The following HDAC9 variants were observed in gnomAD, a reference collection of about 807,000 sequenced individuals.
The protein encoded by HDAC9 is MEF-2 interacting transcription repressor (MITR) protein.
HDAC9 carries 41 observed loss-of-function variants against 139.4 expected under a neutral mutation model. The observed-to-expected ratio is 0.29, with a 90% confidence interval of 0.23 to 0.38. The LOEUF is 0.38. Among genes scored for constraint, HDAC9 ranks in the 10% least tolerant of loss-of-function variants. The pLI, the probability that HDAC9 is intolerant of heterozygous loss-of-function variation, is 1.00. For missense variants in HDAC9, 1,147 were observed against 1,297.0 expected (o/e 0.88, Z 1.78); for synonymous variants, 517 against 476.2 (o/e 1.09, Z -1.12).
At chr7:18,335,763 G>A (rs1487093360) in intron 1 of HDAC9, among the ~76,000 whole-genome samples, 1 of 151,502 alleles carries the variant, frequency 6.6e-6, no homozygotes, top group East Asian at 1.9e-4. Flanking sequence ...TATACCTGGG[G>A]TGGTACCAAA....
upstream of HDAC9, among the ~76,000 whole-genome samples, chr7:18,288,126 A>G (rs1246375735): frequency 6.6e-6 from 1 of 152,228 alleles, no homozygotes; most frequent in East Asian, 1.9e-4. Context: ...CATGTTGCTG[A>G]CAACAAGGTG....
At chr7:18,991,339 G>T (rs1785922235) in intron 25 of HDAC9, among the ~76,000 whole-genome samples, 1 of 152,170 alleles carries the variant, frequency 6.6e-6, no homozygotes, top group Non-Finnish European at 1.5e-5. Flanking sequence ...GTGAATACTG[G>T]AAAGATAAAG....
intron 24 of HDAC9, among the ~76,000 whole-genome samples, chr7:18,960,174 A>C (rs1428819189): frequency 6.6e-6 from 1 of 152,144 alleles, no homozygotes; most frequent in African/African-American, 2.4e-5. Flanking sequence ...TAATTGACTA[A>C]AGCATAATCA....
At chr7:18,635,277 A>G (rs533316764) in intron 8 of HDAC9, among the ~76,000 whole-genome samples, 3 of 151,996 alleles carry the variant, frequency 2.0e-5, no homozygotes, top group African/African-American at 7.2e-5. Context: ...CTGAAAAGTG[A>G]TGAAAAATAA....
chr7:18,861,837 C>T (rs965754227), intron 21 of HDAC9, among the ~76,000 whole-genome samples: 2 of 152,066 alleles, frequency 1.3e-5, no homozygotes, highest in African/African-American at 4.8e-5. Context: ...CTTTCTGGAC[C>T]AGGTATATAT....
chr7:18,155,182 C>G (rs1017719267), intron 1 of HDAC9, among the ~76,000 whole-genome samples: 2 of 151,198 alleles, frequency 1.3e-5, no homozygotes, highest in African/African-American at 4.9e-5. Flanking sequence ...TCCTTTTAAA[C>G]TCAAATTGGT....
intron 1 of HDAC9, among the ~76,000 whole-genome samples, chr7:18,323,369 G>T (rs1800175829): frequency 6.6e-6 from 1 of 152,128 alleles, no homozygotes; most frequent in African/African-American, 2.4e-5. Flanking sequence ...CTTGGCTTGG[G>T]CCTTTGTTTC....
At chr7:18,761,965 A>G (rs1374404704) in intron 14 of HDAC9, among the ~76,000 whole-genome samples, 192 bp from the exon 15 acceptor site, 1 of 152,162 alleles carries the variant, frequency 6.6e-6, no homozygotes, top group African/African-American at 2.4e-5. Flanking sequence ...GGTATAAGCA[A>G]TCTGTTGGAT....
intron 16 of HDAC9, among the ~76,000 whole-genome samples, chr7:18,770,905 G>T: frequency 6.6e-6 from 1 of 152,280 alleles, no homozygotes; most frequent in South Asian, 2.1e-4. Flanking sequence ...AACAGGATAT[G>T]ATTTTATATA....
At chr7:18,761,289 G>T (rs1196064254) in intron 14 of HDAC9, among the ~76,000 whole-genome samples, 2 of 152,200 alleles carry the variant, frequency 1.3e-5, no homozygotes, top group Non-Finnish European at 2.9e-5. Flanking sequence ...TTTTGCCTGT[G>T]TTGAAGGGCT....
chr7:18,764,920 G>A (rs1384533025), intron 15 of HDAC9, among the ~76,000 whole-genome samples: 1 of 152,108 alleles, frequency 6.6e-6, no homozygotes, highest in African/African-American at 2.4e-5. Context: ...ATCTATAGAT[G>A]ATAAAATAAT....
intron 6 of HDAC9, among the ~76,000 whole-genome samples, chr7:18,600,501 G>A (rs1038433323): frequency 6.6e-6 from 1 of 152,026 alleles, no homozygotes; most frequent in African/African-American, 2.4e-5. Flanking sequence ...TTTCCATATC[G>A]GTGTCCAATT....
intron 21 of HDAC9, among the ~76,000 whole-genome samples, chr7:18,847,461 A>AGG (rs1796988343): frequency 6.6e-6 from 1 of 152,188 alleles, no homozygotes; most frequent in South Asian, 2.1e-4. Context: ...TCACACCAGA[A>AGG]GGTCTGGTTG....
chr7:18,503,759 A>G (rs1282846311), intron 2 of HDAC9, among the ~76,000 whole-genome samples: 2 of 152,162 alleles, frequency 1.3e-5, no homozygotes, highest in East Asian at 1.9e-4. Context: ...GCTTCTCCTT[A>G]TGGTTCACCA....
chr7:18,735,570 C>T (rs567127208), intron 13 of HDAC9, among the ~76,000 whole-genome samples: 38 of 152,216 alleles, frequency 2.5e-4, no homozygotes, highest in African/African-American at 8.7e-4. Flanking sequence ...TTTCTGAGGC[C>T]TCTGTTCTGT....
chr7:18,207,441 C>T (rs894861082), intron 2 of HDAC9, among the ~76,000 whole-genome samples: 2 of 150,656 alleles, frequency 1.3e-5, no homozygotes, highest in Non-Finnish European at 3.0e-5. Context: ...GGTTCTCACT[C>T]TATCATCCAG....
At position 18,442,421 on chromosome 7, in the gene HDAC9, G is replaced by A. The variant is rs141871238; in HGVS notation, c.-41-53841G>A. Among the ~76,000 whole-genome samples, 295 of 152,184 alleles carry A rather than the reference G, an allele frequency of 1.9e-3. 2 individuals are homozygous for A. Among genetic ancestry groups the A allele is most frequent in the African/African-American group, 5.8e-3 (239 of 41,514 alleles). Reference sequence around the variant, plus strand: ...AATATTTATTTCCCCACCAGTTGCCGGACTCACATTCCTTCAAAGCTGAGA... The same window carrying A: ...AATATTTATTTCCCCACCAGTTGCCAGACTCACATTCCTTCAAAGCTGAGA... On this transcript the variant is annotated intron_variant, in intron 1 of 3. Transcript: ENST00000413509.
intron 1 of HDAC9, among the ~76,000 whole-genome samples, chr7:18,305,136 C>A (rs969924090): frequency 2.0e-5 from 3 of 152,096 alleles, no homozygotes; most frequent in Non-Finnish European, 2.9e-5. Flanking sequence ...TTCTCTTTTC[C>A]AGAATTCTGT....
chr7:18,832,234 A>G (rs1380489916), intron 19 of HDAC9, among the ~76,000 whole-genome samples: 2 of 152,182 alleles, frequency 1.3e-5, no homozygotes, highest in Non-Finnish European at 2.9e-5. Flanking sequence ...TATTTTGACA[A>G]TAGTACTTTT....
Sources: gnomAD v4.1 joint callset for allele counts (sites outside exome capture counted in the v4.1 genomes callset) on GRCh38, gnomAD v4.1.1 for gene constraint, MANE v1.5 for transcripts, NCBI Gene and HGNC (gene_info 2026-07-23, HGNC 2026-07-21) for gene names.